Variants in PACRG observed in about 807,000 individuals in gnomAD.
PACRG encodes parkin coregulated gene protein.
Under a neutral mutation model 29.7 loss-of-function variants are expected in PACRG, and 29 were observed. That is an observed-to-expected ratio of 0.98 (90% confidence interval 0.73 to 1.33). The LOEUF (loss-of-function observed/expected upper bound fraction) is 1.33, where lower values mean the gene tolerates loss of function less well. Among genes scored for constraint, PACRG ranks in the 40% most tolerant of loss-of-function variants. The pLI is 0.00. For synonymous variants in PACRG, 116 were observed against 118.7 expected (o/e 0.98, Z 0.15); for missense variants, 279 against 316.2 (o/e 0.88, Z 0.89).
chr6:162,775,757 A>T (rs183200092), intron 1 of PACRG, among the ~76,000 whole-genome samples: 2 of 152,270 alleles, frequency 1.3e-5, no homozygotes, highest in East Asian at 3.9e-4. Context: ...TTCCTTGCCT[A>T]TTGAACTTTC....
intron 4 of PACRG, among the ~76,000 whole-genome samples, chr6:163,130,263 G>A (rs1035262214): frequency 6.6e-6 from 1 of 152,186 alleles, no homozygotes; most frequent in Non-Finnish European, 1.5e-5. Context: ...AACAATGTTA[G>A]CAAACTGCAT....
intron 4 of PACRG, among the ~76,000 whole-genome samples, chr6:163,181,800 A>G (rs1221219386): frequency 6.6e-6 from 1 of 152,120 alleles, no homozygotes; most frequent in Non-Finnish European, 1.5e-5. Flanking sequence ...AGCATACCGT[A>G]AAACCTGAGT....
At chr6:163,308,827 A>G (rs1785292863) in intron 4 of PACRG, among the ~76,000 whole-genome samples, 1 of 152,114 alleles carries the variant, frequency 6.6e-6, no homozygotes, top group African/African-American at 2.4e-5. Flanking sequence ...CTCTCTCACC[A>G]CAGCGGATGA....
In PACRG at chr6:163,021,737, C is replaced by T. The variant is rs559583420; in HGVS notation, c.292-40413C>T. Among the ~76,000 whole-genome samples the T allele has an allele frequency of 2.2e-4, 33 of 152,268 alleles. 1 individual carries two copies. The highest frequency in any genetic ancestry group is 8.3e-4 in the South Asian group (4 of 4,824). ...CCTTCAGACCCAGCTTCAGCTGTCCCGAATTCTGCAGTTCCCCAAGGCCAC... is the reference window on the plus strand; with the variant it reads ...CCTTCAGACCCAGCTTCAGCTGTCCTGAATTCTGCAGTTCCCCAAGGCCAC... On this transcript the variant is annotated intron_variant, in intron 2 of 4. Coordinates refer to ENST00000366888, the MANE Select transcript of PACRG (RefSeq NM_001080379.2).
At chr6:162,771,832 A>G (rs1342745917) in intron 1 of PACRG, among the ~76,000 whole-genome samples, 2 of 152,130 alleles carry the variant, frequency 1.3e-5, no homozygotes, top group African/African-American at 4.8e-5. Context: ...ATATTTGTTG[A>G]TCATTACTGT....
At chr6:163,201,767 A>G (rs976610053) in intron 4 of PACRG, among the ~76,000 whole-genome samples, 13 of 152,334 alleles carry the variant, frequency 8.5e-5, no homozygotes, top group African/African-American at 3.1e-4. Context: ...GAGCATGGTG[A>G]CGGTTCTCTC....
At chr6:162,757,861 A>G (rs1226725816) in intron 1 of PACRG, among the ~76,000 whole-genome samples, 3 of 152,114 alleles carry the variant, frequency 2.0e-5, no homozygotes, top group South Asian at 2.1e-4. Flanking sequence ...AGAAAGAGAT[A>G]TGAATAGGCA....
intron 4 of PACRG, among the ~76,000 whole-genome samples, chr6:163,144,347 T>TACACAC (rs34737289): frequency 2.1e-5 from 2 of 93,828 alleles, no homozygotes; most frequent in African/African-American, 2.8e-5. Context: ...CACACATACA[T>TACACAC]ACACACACAC....
At chr6:163,228,453 A>T (rs1287356891) in intron 4 of PACRG, among the ~76,000 whole-genome samples, 1 of 152,006 alleles carries the variant, frequency 6.6e-6, no homozygotes, top group Non-Finnish European at 1.5e-5. Flanking sequence ...GCGGAGGCTC[A>T]ACATGTGCTG....
chr6:163,090,727 C>G (rs747931552), intron 4 of PACRG, among the ~76,000 whole-genome samples: 5 of 152,128 alleles, frequency 3.3e-5, no homozygotes, highest in Admixed American at 6.5e-5. Context: ...ATAAAAGAAA[C>G]TCTAACTGCA....
chr6:163,168,506 G>GA (rs1778923156), intron 4 of PACRG, among the ~76,000 whole-genome samples: 1 of 152,090 alleles, frequency 6.6e-6, no homozygotes, highest in East Asian at 1.9e-4. Flanking sequence ...AAAAGAAAAA[G>GA]AAAAAATTGT....
intron 2 of PACRG, among the ~76,000 whole-genome samples, chr6:163,006,472 T>C (rs563251510): frequency 2.0e-5 from 3 of 151,800 alleles, no homozygotes; most frequent in Admixed American, 6.6e-5. Flanking sequence ...ATAGATAATG[T>C]CCAATTTTTC....
chr6:163,284,847 G>A (rs1176405176), intron 4 of PACRG, among the ~76,000 whole-genome samples: 1 of 152,154 alleles, frequency 6.6e-6, no homozygotes, highest in African/African-American at 2.4e-5. Flanking sequence ...TTGCACAAGA[G>A]AAATACAGGT....
chr6:163,114,464 TAAAGAC>T (rs1375694695), intron 4 of PACRG, among the ~76,000 whole-genome samples: 1 of 152,118 alleles, frequency 6.6e-6, no homozygotes, highest in African/African-American at 2.4e-5. Context: ...ACTACACAGA[TAAAGAC>T]TAAGAATGAA....
intron 3 of PACRG, among the ~76,000 whole-genome samples, chr6:163,084,120 G>T (rs73593703): frequency 2.0e-5 from 3 of 152,190 alleles, no homozygotes; most frequent in South Asian, 2.1e-4. Flanking sequence ...GAATAGAAAG[G>T]TTCCATTTGT....
intron 4 of PACRG, among the ~76,000 whole-genome samples, chr6:163,186,355 T>C (rs2128357548): frequency 6.6e-6 from 1 of 152,218 alleles, no homozygotes; most frequent in South Asian, 2.1e-4. Context: ...GAGGGAATTC[T>C]CTCGTGTGCC....
intron 2 of PACRG, among the ~76,000 whole-genome samples, chr6:162,949,822 GCAGGT>G (rs1463094353): frequency 6.6e-6 from 1 of 152,130 alleles, no homozygotes; most frequent in African/African-American, 2.4e-5. Context: ...GGCTGAACTG[GCAGGT>G]GTTTACCAGG....
chr6:162,730,528 A>T (rs1210097978), intron 1 of PACRG, among the ~76,000 whole-genome samples: 2 of 152,164 alleles, frequency 1.3e-5, no homozygotes, highest in African/African-American at 2.4e-5. Flanking sequence ...GAGACTCCTG[A>T]TATTTCTCTG....
At chr6:163,175,700 C>T (rs1470599745) in intron 4 of PACRG, among the ~76,000 whole-genome samples, 1 of 148,838 alleles carries the variant, frequency 6.7e-6, no homozygotes, top group Non-Finnish European at 1.5e-5. Context: ...TACTGTGAAA[C>T]ATCAAGGAGT....
Sources: gnomAD v4.1 joint callset for allele counts (sites outside exome capture counted in the v4.1 genomes callset) on GRCh38, gnomAD v4.1.1 for gene constraint, MANE v1.5 for transcripts, NCBI Gene and HGNC (gene_info 2026-07-23, HGNC 2026-07-21) for gene names.